LETM2: variants seen among roughly 807,000 people sequenced by gnomAD.
The protein encoded by LETM2 is leucine zipper and EF-hand containing transmembrane protein 2.
Under a neutral mutation model 59.6 loss-of-function variants are expected in LETM2, and 58 were observed. That is an observed-to-expected ratio of 0.97 (90% confidence interval 0.79 to 1.21). The LOEUF is 1.21. LETM2 is among the 50% of genes most tolerant of loss of function. LETM2 has a pLI of 0.00. For missense variants in LETM2, 572 were observed against 575.7 expected, an observed-to-expected ratio of 0.99 and a Z score of 0.07; for synonymous variants, 199 against 214.1, an observed-to-expected ratio of 0.93 and a Z score of 0.62.
chr8:38,397,037 T>C (rs1426524957), intron 4 of LETM2: 1 of 445,546 alleles, frequency 2.2e-6, no homozygotes. Context: ...GAGCCTTCAC[T>C]GAGTGTGGCA....
At chr8:38,407,112 T>TA in intron 9 of LETM2, 74 bp downstream of exon 9, 1 of 885,880 alleles carries the variant, frequency 1.1e-6, no homozygotes, top group Non-Finnish European at 1.9e-6. Context: ...TCTCCTGTTT[T>TA]AATCCCCTTA....
In LETM2 at chr8:38,392,856, C is replaced by T. The variant is rs752424957; in HGVS notation, c.362C>T (p.Ser121Phe). ...TGMEIKEGKQ[S>F]YRQKIMDELK... ...ATGGAGATTAAAGAAGGCAAACAAT[C>T]TTATAGACAAAAAATCATGGATGAA... The change falls in exon 3 of 11, where the codon TCT becomes TTT. Residue 121 changes from serine to phenylalanine, a missense_variant. Coordinates refer to ENST00000379957, the MANE Select transcript of LETM2 (RefSeq NM_001286819.2). The T allele has an allele frequency of 1.2e-6, 2 of 1,614,104 alleles. No individual in the cohort carries two copies. The highest frequency in any genetic ancestry group is 1.7e-6 in the Non-Finnish European group (2 of 1,180,028).
At chr8:38,402,890 T>C (rs1813359104) in intron 7 of LETM2, among the ~76,000 whole-genome samples, 2 of 152,172 alleles carry the variant, frequency 1.3e-5, no homozygotes, top group Admixed American at 6.5e-5. Context: ...GTATATTAGC[T>C]CACAGTTGGT....
At chr8:38,383,901 G>A (rs556050007), upstream of LETM2, among the ~76,000 whole-genome samples, 1 of 149,232 alleles carries the variant, frequency 6.7e-6, no homozygotes, top group Admixed American at 6.7e-5. Flanking sequence ...CTGCACTCCA[G>A]CCTGGGCGAC....
upstream of LETM2, among the ~76,000 whole-genome samples, chr8:38,383,917 G>A (rs1336788058): frequency 2.1e-5 from 3 of 143,278 alleles, no homozygotes; most frequent in African/African-American, 7.8e-5. Flanking sequence ...GCGACACAGA[G>A]AGGCTATGTC....
At chr8:38,398,618 T>G (rs1446967995) in intron 4 of LETM2, among the ~76,000 whole-genome samples, 1 of 152,168 alleles carries the variant, frequency 6.6e-6, no homozygotes, top group African/African-American at 2.4e-5. Context: ...TACCTGTTGT[T>G]GCTCATTTTA....
At chr8:38,398,372 C>T (rs1812855614) in intron 4 of LETM2, among the ~76,000 whole-genome samples, 1 of 152,138 alleles carries the variant, frequency 6.6e-6, no homozygotes, top group Admixed American at 6.5e-5. Flanking sequence ...ACCACTCATT[C>T]CCTGAAACAT....
chr8:38,395,350 A>G (rs967754025), intron 4 of LETM2, among the ~76,000 whole-genome samples: 2 of 152,222 alleles, frequency 1.3e-5, no homozygotes, highest in African/African-American at 2.4e-5. Flanking sequence ...GCAACAAATG[A>G]GAGTACCAGC....
chr8:38,407,709 G>A (rs1813846023), intron 10 of LETM2, among the ~76,000 whole-genome samples: 1 of 152,156 alleles, frequency 6.6e-6, no homozygotes, highest in Non-Finnish European at 1.5e-5. Flanking sequence ...TACAATATAG[G>A]CAGACCCTTT....
intron 8 of LETM2, among the ~76,000 whole-genome samples, chr8:38,406,241 T>C (rs1813705771): frequency 6.6e-6 from 1 of 152,230 alleles, no homozygotes; most frequent in Admixed American, 6.5e-5. Context: ...GGCAATTTTA[T>C]CATTTATTAT....
intron 2 of LETM2, among the ~76,000 whole-genome samples, chr8:38,391,105 G>A (rs1211003371): frequency 1.4e-5 from 2 of 147,438 alleles, no homozygotes; most frequent in Admixed American, 6.8e-5. Flanking sequence ...ATGAGCCTAG[G>A]AGGTCATGGC....
intron 4 of LETM2, among the ~76,000 whole-genome samples, chr8:38,398,519 A>G (rs1812868875): frequency 6.6e-6 from 1 of 152,136 alleles, no homozygotes; most frequent in Admixed American, 6.5e-5. Context: ...TTATGCTTCT[A>G]TATTAATGTG....
intron 4 of LETM2, among the ~76,000 whole-genome samples, chr8:38,398,964 A>T (rs779310778): frequency 2.0e-5 from 3 of 151,980 alleles, no homozygotes; most frequent in Non-Finnish European, 4.4e-5. Context: ...CAGGTGATCC[A>T]GCTGCCTCGG....
intron 4 of LETM2, 96 bp downstream of exon 4, chr8:38,394,337 C>T: frequency 1.7e-6 from 1 of 573,518 alleles, no homozygotes; most frequent in Non-Finnish European, 2.8e-6. Context: ...CTTCTCCCCA[C>T]CCAACCCCAT....
intron 5 of LETM2, 197 bp from the exon 6 acceptor site, chr8:38,400,656 C>A: frequency 3.0e-6 from 2 of 660,666 alleles, no homozygotes; most frequent in Admixed American, 6.3e-5. Context: ...GATTTAGAGT[C>A]AAACTTCCAA....
chr8:38,384,309 A>G (rs1488896841), upstream of LETM2, among the ~76,000 whole-genome samples: 1 of 152,254 alleles, frequency 6.6e-6, no homozygotes, highest in African/African-American at 2.4e-5. Context: ...GCTGACAGCA[A>G]GAGTTTAAAA....
rs1455450163 is a variant in LETM2, at chr8:38,386,572, G to C, written c.-35+4G>C. 6.6e-6 allele frequency: 1 copy of C among 152,276 alleles called. No homozygotes were observed. Among genetic ancestry groups the C allele is most frequent in the Admixed American group, 6.5e-5 (1 of 15,286 alleles). 9.4% of individuals were successfully genotyped at this position (152,276 alleles called of 1,614,324 possible). On this transcript the variant is annotated splice_donor_region_variant and intron_variant, in intron 1 of 10. Transcript: ENST00000379957. ...TCCGCGGAGCCCGGCCGAGGAGGTA[G>C]GGGTGGGCAGGCCCAGCCCTCAGGC...
At chr8:38,392,138 T>A (rs1017338546) in intron 2 of LETM2, among the ~76,000 whole-genome samples, 4 of 152,178 alleles carry the variant, frequency 2.6e-5, no homozygotes, top group African/African-American at 9.7e-5. Flanking sequence ...GAAACAATAT[T>A]CCTTGGCCAG....
chr8:38,388,080 C>CTT (rs35044708), intron 2 of LETM2, 50 bp downstream of exon 2: 962 of 888,528 alleles, frequency 1.1e-3, no homozygotes, highest in South Asian at 1.6e-3. Context: ...TCTTCTTCTT[C>CTT]TTTTTTTTTT....
Sources: gnomAD v4.1 joint callset for allele counts (sites outside exome capture counted in the v4.1 genomes callset) on GRCh38, gnomAD v4.1.1 for gene constraint, MANE v1.5 for transcripts, NCBI Gene and HGNC (gene_info 2026-07-23, HGNC 2026-07-21) for gene names.